Variants in AP4B1 observed in about 807,000 individuals in gnomAD.
AP4B1 encodes adaptor related protein complex 4 subunit beta 1, also known as AP-4 complex subunit beta-1.
A neutral mutation model predicts 76.5 loss-of-function variants in AP4B1; 49 were observed. That is an observed-to-expected ratio of 0.64 (90% CI 0.51 to 0.81). The LOEUF (loss-of-function observed/expected upper bound fraction) is 0.81, where lower values mean the gene tolerates loss of function less well. Among genes scored for constraint, AP4B1 ranks in the 40% least tolerant of loss-of-function variants. The pLI is 0.00. For synonymous variants in AP4B1, 330 were observed against 333.3 expected (o/e 0.99, Z 0.11); for missense variants, 911 against 904.9 (o/e 1.01, Z -0.09).
chr1:113,901,910 C>A, intron 2 of AP4B1, 25 bp from the exon 3 acceptor site: 1 of 1,613,876 alleles, frequency 6.2e-7, no homozygotes, highest in Non-Finnish European at 8.5e-7. Flanking sequence ...CTGGAGTTAG[C>A]CAGATTCTGA....
At position 113,895,068 on chromosome 1, in the gene AP4B1, T is replaced by C. The variant is rs1667294436; in HGVS notation, c.2217A>G (p.Ser739=). The C allele has an allele frequency of 1.2e-6, 2 of 1,613,106 alleles. No homozygotes were observed. The highest frequency in any genetic ancestry group is 2.2e-5 in the South Asian group (2 of 90,992). The change falls in exon 10 of 10, where the codon TCA becomes TCG. Residue 739 remains serine, a synonymous_variant. Coordinates refer to ENST00000369569, the MANE Select transcript of AP4B1 (RefSeq NM_001253852.3). ...CTAGACAAGCAACAAGACTCTGTTA[T>C]GATTTTATTTCTTCAATTGTTCCAA... is the stretch of plus-strand genomic sequence containing the variant. ...TVIGTIEEIK[S]
In AP4B1 at chr1:113,894,506, G is replaced by A. The variant is rs992975294; in HGVS notation, c.*559C>T. On this transcript the variant is annotated 3_prime_UTR_variant, in exon 10 of 10. Coordinates refer to ENST00000369569, the MANE Select transcript of AP4B1 (RefSeq NM_001253852.3). ...AGGCAATAAATAAAAGCAGGTTTAA[G>A]TTAACACAGAGGTGAAAGAAGCAGG... Among the ~76,000 whole-genome samples, 4 of 152,206 alleles carry A rather than the reference G, an allele frequency of 2.6e-5. No individual in the cohort carries two copies. The highest frequency in any genetic ancestry group is 4.8e-5 in the African/African-American group (2 of 41,454).
In AP4B1 at chr1:113,900,214, G is replaced by A. The variant is rs762267301; in HGVS notation, c.804C>T (p.His268=). 6.2e-6 allele frequency: 10 copies of A among 1,610,846 alleles called. No individual in the cohort carries two copies. Among genetic ancestry groups the A allele is most frequent in the African/African-American group, 2.7e-5 (2 of 74,746 alleles). The change falls in exon 5 of 10, where the codon CAC becomes CAT. Residue 268 remains histidine, a synonymous_variant. Transcript: ENST00000369569. The stretch of plus-strand genomic sequence containing the variant: ...CCCGCACAAGGACATCAGTTTGTAC[G>A]TGGGGAAACATTTTTGCCAAGATCA... ...LFLILAKMFP[H]VQTDVLVRVK...
rs1667266258 is a variant in AP4B1, at chr1:113,894,535, A to G, written c.*530T>C. Among the ~76,000 whole-genome samples the G allele has an allele frequency of 6.6e-6, 1 of 152,238 alleles. No homozygotes were observed. Among genetic ancestry groups the G allele is most frequent in the Non-Finnish European group, 1.5e-5 (1 of 68,040 alleles). On this transcript the variant is annotated 3_prime_UTR_variant, in exon 10 of 10. Coordinates refer to ENST00000369569, the MANE Select transcript of AP4B1 (RefSeq NM_001253852.3). ...ACACAGAGGTGAAAGAAGCAGGTGT[A>G]TAAAGGGAACTGCAATGCAAATGGT...
In AP4B1 at chr1:113,895,055, C is replaced by A; in HGVS notation, c.*10G>T. On this transcript the variant is annotated 3_prime_UTR_variant, in exon 10 of 10. Transcript: ENST00000369569. ...TATTCATCTTACTCTAGACAAGCAA[C>A]AAGACTCTGTTATGATTTTATTTCT... is the stretch of plus-strand genomic sequence containing the variant. 6.2e-7 allele frequency: 1 copy of A among 1,611,432 alleles called. No homozygotes were observed.
chr1:113,898,644 A>C, intron 6 of AP4B1, 74 bp downstream of exon 6: 1 of 1,115,090 alleles, frequency 9.0e-7, no homozygotes. Flanking sequence ...TTCAACAACA[A>C]ACATGTTTTG....
At chr1:113,900,559 G>A (rs1157773258) in intron 4 of AP4B1, 159 bp from the exon 5 acceptor site, 4 of 900,642 alleles carry the variant, frequency 4.4e-6, no homozygotes, top group Admixed American at 6.0e-5. Context: ...ACTATTTAAA[G>A]TTTACACAAA....
upstream of AP4B1, chr1:113,904,818 T>A (rs1668769446): frequency 3.8e-6 from 4 of 1,045,910 alleles, no homozygotes; most frequent in East Asian, 2.4e-5. Context: ...TATGAGTCAG[T>A]GAAAATACAA....
intron 1 of AP4B1, 78 bp downstream of exon 1, chr1:113,904,527 T>G (rs1571593000): frequency 7.3e-7 from 1 of 1,375,536 alleles, no homozygotes; most frequent in East Asian, 2.3e-5. Flanking sequence ...ATTCACCCTT[T>G]CAGAGAGACT....
At chr1:113,902,528 G>A in intron 2 of AP4B1, 110 bp downstream of exon 2, 1 of 1,106,900 alleles carries the variant, frequency 9.0e-7, no homozygotes, top group South Asian at 1.3e-5. Context: ...GTACAATAAT[G>A]TTTTCCCCAG....
rs1571544054 is a variant in AP4B1 at position 113,897,594 on chromosome 1, A to T, written c.1302+246T>A. 2.4e-5 allele frequency: 12 copies of T among 499,598 alleles called. No individual in the cohort carries two copies. The East Asian group carries it at 3.9e-4, about 16-fold the overall frequency. The allele number at this position is 499,598 out of a possible 1,614,324, so 30.9% of individuals were successfully genotyped here. On this transcript the variant is annotated intron_variant, in intron 7 of 9. Coordinates refer to ENST00000369569, the MANE Select transcript of AP4B1 (RefSeq NM_001253852.3). The stretch of plus-strand genomic sequence containing the variant: ...GGGCAACTCTATCTCAAGCAAAGCA[A>T]AACAAAACAAAACAGAACTGTTCAA...
At position 113,904,595 on chromosome 1, in the gene AP4B1, T is replaced by C. The variant is rs199523647; in HGVS notation, c.113+10A>G. The C allele has an allele frequency of 1.7e-5, 27 of 1,613,026 alleles. No homozygotes were observed. The African/African-American group carries it at 2.0e-4, about 12-fold the overall frequency. ...GGAGCAGTTAGCACGCGAAGGGAGG[T>C]AGGTGATACCTAATCACTCGCTGGA... On this transcript the variant is annotated intron_variant, in intron 1 of 9. Transcript: ENST00000369569.
chr1:113,899,066 A>G, intron 5 of AP4B1: 2 of 1,268,378 alleles, frequency 1.6e-6, no homozygotes, highest in Non-Finnish European at 2.0e-6. Flanking sequence ...GAAAACTTAT[A>G]GTAACAAAGG....
chr1:113,899,016 T>C (rs894857652), intron 5 of AP4B1: 5 of 1,141,202 alleles, frequency 4.4e-6, no homozygotes, highest in Non-Finnish European at 5.9e-6. Context: ...ACTAGAAAAC[T>C]GAAAGCTCAT....
rs1352725563 is a variant in AP4B1 at position 113,900,235 on chromosome 1, G to A, written c.783C>T (p.Ile261=). Residue 261 remains isoleucine (I), a synonymous_variant, in exon 5 of 10, where the codon ATC becomes ATT. Coordinates refer to ENST00000369569, the MANE Select transcript of AP4B1 (RefSeq NM_001253852.3). ...VVMGATKLFL[I]LAKMFPHVQT... is the part of the protein sequence containing the mutation. ...GTACGTGGGGAAACATTTTTGCCAA[G>A]ATCAGAAAAAGTTTGGTAGCTCCCA... is the stretch of plus-strand genomic sequence containing the variant. The A allele has an allele frequency of 6.2e-7, 1 of 1,608,358 alleles. No homozygotes were observed. The highest frequency in any genetic ancestry group is 1.1e-5 in the South Asian group (1 of 90,668).
chr1:113,903,621 G>A (rs1315170219), intron 1 of AP4B1, among the ~76,000 whole-genome samples: 2 of 152,218 alleles, frequency 1.3e-5, no homozygotes, highest in Non-Finnish European at 2.9e-5. Context: ...TCTTCACAGA[G>A]GAAGTAATAC....
intron 9 of AP4B1, 113 bp from the exon 10 acceptor site, chr1:113,895,605 G>A: frequency 6.5e-6 from 10 of 1,537,858 alleles, no homozygotes; most frequent in Non-Finnish European, 8.9e-6. Flanking sequence ...ACAAATGGCT[G>A]AAATAACCAG....
At position 113,896,318 on chromosome 1, in the gene AP4B1, A is replaced by C; in HGVS notation, c.1450T>G (p.Phe484Val). 6.2e-7 allele frequency: 1 copy of C among 1,614,244 alleles called. No homozygotes were observed. Among genetic ancestry groups the C allele is most frequent in the South Asian group, 1.1e-5 (1 of 91,090 alleles). Residue 484 changes from phenylalanine (F) to valine (V), a missense_variant, in exon 8 of 10, where the codon TTC becomes GTC. Physicochemically the swap from Phe to Val is conservative, Grantham distance 50. Transcript: ENST00000369569. Reference sequence around the variant, plus strand: ...TGGCACTCAGCAGGTCGGGAGAGGAAAAGGCGCAGCAAAGCAGTGAGCAGC... The same window carrying C: ...TGGCACTCAGCAGGTCGGGAGAGGACAAGGCGCAGCAAAGCAGTGAGCAGC... ...MELLTALLRLFLSRPAECQDM... is the reference protein window; with the variant it reads ...MELLTALLRLVLSRPAECQDM...
At chr1:113,899,286 A>C (rs1558086559) in intron 5 of AP4B1, 1 of 1,017,224 alleles carries the variant, frequency 9.8e-7, no homozygotes, top group Non-Finnish European at 1.2e-6. Context: ...AACTTGGCTC[A>C]ACAGCTGTTT....
Sources: gnomAD v4.1 joint callset for allele counts (sites outside exome capture counted in the v4.1 genomes callset) on GRCh38, gnomAD v4.1.1 for gene constraint, MANE v1.5 for transcripts, NCBI Gene and HGNC (gene_info 2026-07-23, HGNC 2026-07-21) for gene names.